The following ADGRV1 variants were observed in gnomAD, a reference collection of about 807,000 sequenced individuals.
The protein encoded by ADGRV1 is adhesion G protein-coupled receptor V1, also known as G-protein coupled receptor 98.
Under a neutral mutation model 596.2 loss-of-function variants are expected in ADGRV1, and 359 were observed. The ratio of observed to expected loss-of-function variants is 0.60; its 90% CI spans 0.55 to 0.66. The LOEUF (loss-of-function observed/expected upper bound fraction) is 0.66, where lower values mean the gene tolerates loss of function less well. ADGRV1 is among the 30% of genes least tolerant of loss of function. The pLI, the probability that ADGRV1 is intolerant of heterozygous loss-of-function variation, is 0.00. For synonymous variants in ADGRV1, 2,681 were observed against 2,679.2 expected, an observed-to-expected ratio of 1.00 and a Z score of -0.02; for missense variants, 7,274 against 7,575.6, an observed-to-expected ratio of 0.96 and a Z score of 1.48.
In ADGRV1 at chr5:91,067,167, G is replaced by A. The variant is rs564665830; in HGVS notation, c.18153-5280G>A. Among the ~76,000 whole-genome samples, 9 of 137,420 alleles carry A rather than the reference G, an allele frequency of 6.5e-5. No individual in the cohort carries two copies. In the South Asian group the frequency reaches 1.4e-3, roughly 21 times the overall value. The allele number at this position is 137,420 out of a possible 152,430, so 90.2% of individuals were successfully genotyped here. ...ATTTTTTTTTTTTTTTTTTTGAGAC[G>A]GAGTCTCGCTCTTGTTGCCCAGGCT... is the stretch of plus-strand genomic sequence containing the variant. On this transcript the variant is annotated intron_variant, in intron 85 of 89. Coordinates refer to ENST00000405460, the MANE Select transcript of ADGRV1 (RefSeq NM_032119.4).
At chr5:90,880,085 A>G (rs1201049312) in intron 83 of ADGRV1, among the ~76,000 whole-genome samples, 1 of 152,142 alleles carries the variant, frequency 6.6e-6, no homozygotes, top group Admixed American at 6.5e-5. Flanking sequence ...CTCCTGTTAT[A>G]TTCCAGAGAC....
At position 90,651,591 on chromosome 5, in the gene ADGRV1, A is replaced by G. The variant is rs747389739; in HGVS notation, c.3290-13A>G. 2 of 1,455,988 alleles carry G rather than the reference A, an allele frequency of 1.4e-6. No homozygotes were observed. Among genetic ancestry groups the G allele is most frequent in the Non-Finnish European group, 1.9e-6 (2 of 1,075,430 alleles). The allele number at this position is 1,455,988 out of a possible 1,614,324, so 90.2% of individuals were successfully genotyped here. A position where few individuals can be genotyped will look rare whatever the true frequency, so the allele number is the denominator to read the frequency against. Reference sequence around the variant, plus strand: ...ACTTCTTTGTTATTTTGTCTTTTCCACTTTTAATTTAGGTGATACAGTAGT... The same window carrying G: ...ACTTCTTTGTTATTTTGTCTTTTCCGCTTTTAATTTAGGTGATACAGTAGT... On this transcript the variant is annotated splice_polypyrimidine_tract_variant and intron_variant, in intron 17 of 89. Transcript: ENST00000405460.
intron 59 of ADGRV1, among the ~76,000 whole-genome samples, chr5:90,773,585 G>A (rs1419540919): frequency 5.9e-5 from 9 of 152,158 alleles, no homozygotes; most frequent in Non-Finnish European, 1.3e-4. Flanking sequence ...AAATCTTAAA[G>A]GTGAAGGTAA....
chr5:90,931,162 G>A (rs74501188), intron 83 of ADGRV1: 25,720 of 152,166 alleles, frequency 0.17, 2,612 homozygotes, highest in Non-Finnish European at 0.23. Context: ...AGGCAGATCC[G>A]ACAGAATGTC....
At chr5:90,791,399 G>T in intron 70 of ADGRV1, 53 bp downstream of exon 70, 1 of 1,296,300 alleles carries the variant, frequency 7.7e-7, no homozygotes, top group Non-Finnish European at 1.1e-6. Context: ...CCTTTCAGGA[G>T]TGCCCATGCT....
intron 83 of ADGRV1, among the ~76,000 whole-genome samples, chr5:90,955,623 C>T (rs1378344804): frequency 2.0e-5 from 3 of 152,142 alleles, no homozygotes; most frequent in South Asian, 4.1e-4. Context: ...GAAATACTTT[C>T]CCCCTCTTTT....
Position 90,853,448 on chromosome 5 carries a change from G to C in ADGRV1, c.17369G>C (p.Ser5790Thr), listed in dbSNP as rs1561851009. ...VQDAEIMAGK[S>T]TCKLVQFTEY... Reference sequence around the variant, plus strand: ...GATGCAGAAATAATGGCTGGGAAAAGTACATGTAAATTAGTCCAGTTTACA... The same window carrying C: ...GATGCAGAAATAATGGCTGGGAAAACTACATGTAAATTAGTCCAGTTTACA... The change falls in exon 80 of 90, where the codon AGT (serine) becomes ACT (threonine). Residue 5790 changes from serine (S) to threonine (T), a missense_variant. By Grantham distance (58) the Ser-to-Thr change is moderately conservative (BLOSUM62 1). Coordinates refer to ENST00000405460, the MANE Select transcript of ADGRV1 (RefSeq NM_032119.4). 6.2e-7 allele frequency: 1 copy of C among 1,613,340 alleles called. No individual in the cohort carries two copies. The highest frequency in any genetic ancestry group is 2.2e-5 in the East Asian group (1 of 44,846).
intron 53 of ADGRV1, among the ~76,000 whole-genome samples, chr5:90,751,607 G>T (rs1580999813): frequency 6.6e-6 from 1 of 152,170 alleles, no homozygotes; most frequent in East Asian, 1.9e-4. Flanking sequence ...AGAGCCTTTT[G>T]TTCCTAGCTG....
At chr5:91,035,542 G>A (rs1019705218) in intron 85 of ADGRV1, among the ~76,000 whole-genome samples, 3 of 151,944 alleles carry the variant, frequency 2.0e-5, no homozygotes, top group Admixed American at 2.0e-4. Context: ...TGTAATTCTT[G>A]TGAATGGCAA....
chr5:90,752,642 T>C (rs1318487838), intron 53 of ADGRV1, among the ~76,000 whole-genome samples: 3 of 152,226 alleles, frequency 2.0e-5, no homozygotes, highest in Non-Finnish European at 4.4e-5. Flanking sequence ...CATTTTTCTT[T>C]TATGGCTGCA....
rs41304894 is a variant in ADGRV1, at chr5:90,840,513, G to C, written c.16612-65G>C. On this transcript the variant is annotated intron_variant, in intron 77 of 89. Transcript: ENST00000405460. Reference sequence around the variant, plus strand: ...GAAATTGAATTTGTTTAAGAAACAAGAATTTGTTTAGGACAAGATCAGAGG... The same window carrying C: ...GAAATTGAATTTGTTTAAGAAACAACAATTTGTTTAGGACAAGATCAGAGG... 0.017 allele frequency: 22,685 copies of C among 1,356,972 alleles called. 241 individuals are homozygous for C. Among genetic ancestry groups the C allele is most frequent in the Non-Finnish European group, 0.02 (20,139 of 1,003,122 alleles). 84.1% of individuals were successfully genotyped at this position (1,356,972 alleles called of 1,614,324 possible). A position where few individuals can be genotyped will look rare whatever the true frequency, so the allele number is the denominator to read the frequency against.
rs1180671840 is a variant in ADGRV1, at chr5:90,739,035, C to A, written c.10550-6011C>A. Among the ~76,000 whole-genome samples, 3 of 151,760 alleles carry A rather than the reference C, an allele frequency of 2.0e-5. No homozygotes were observed. In the East Asian group the frequency reaches 5.8e-4, roughly 29 times the overall value. Reference sequence around the variant, plus strand: ...GACTGGATAACTTTAAGTATCCTATCTTTTAATTCACTAATTTTCTTTCTT... The same window carrying A: ...GACTGGATAACTTTAAGTATCCTATATTTTAATTCACTAATTTTCTTTCTT... On this transcript the variant is annotated intron_variant, in intron 50 of 89. Transcript: ENST00000405460.
At chr5:90,724,705 C>A in intron 45 of ADGRV1, 127 bp from the exon 46 acceptor site, 1 of 780,020 alleles carries the variant, frequency 1.3e-6, no homozygotes, top group Non-Finnish European at 2.2e-6. Context: ...CACACTCATA[C>A]ACACGTCATG....
chr5:90,986,621 TTCTG>T (rs1005562773), intron 85 of ADGRV1, among the ~76,000 whole-genome samples: 6 of 152,192 alleles, frequency 3.9e-5, no homozygotes, highest in Admixed American at 2.0e-4. Flanking sequence ...ATTTTTGTAA[TTCTG>T]TCTTTTTATT....
At chr5:90,690,450 C>G (rs1006245911) in intron 30 of ADGRV1, among the ~76,000 whole-genome samples, 4 of 152,142 alleles carry the variant, frequency 2.6e-5, no homozygotes. Context: ...ATCAAGTTCC[C>G]TTTCCTGCAT....
intron 87 of ADGRV1, among the ~76,000 whole-genome samples, chr5:91,138,318 A>C (rs1794814271): frequency 6.6e-6 from 1 of 151,596 alleles, no homozygotes; most frequent in Non-Finnish European, 1.5e-5. Flanking sequence ...TGAGTGCTAA[A>C]ATTTGATATC....
Position 91,083,674 on chromosome 5 carries a change from T to C in ADGRV1, c.18310+11070T>C, listed in dbSNP as rs74518397. Among the ~76,000 whole-genome samples the C allele has an allele frequency of 6.8e-3, 1,042 of 152,354 alleles. 101 individuals are homozygous for C. The East Asian group carries it at 0.18, about 26-fold the overall frequency. ...TAGCCTGCCTCATTAAGTATCACTT[T>C]CCTTGCAGTCAGTTGCTAAAGATCA... On this transcript the variant is annotated intron_variant, in intron 86 of 89. Transcript: ENST00000405460.
chr5:90,851,343 G>A (rs558846985), intron 79 of ADGRV1, among the ~76,000 whole-genome samples: 1 of 152,116 alleles, frequency 6.6e-6, no homozygotes, highest in South Asian at 2.1e-4. Context: ...AAACAATTAG[G>A]TGGTAGAATT....
At chr5:90,995,044 A>G (rs1410143124) in intron 85 of ADGRV1, among the ~76,000 whole-genome samples, 1 of 152,222 alleles carries the variant, frequency 6.6e-6, no homozygotes, top group African/African-American at 2.4e-5. Context: ...CAAAGCCTCA[A>G]GCATGCACAT....
Sources: allele counts gnomAD v4.1 joint callset (sites outside exome capture counted in the v4.1 genomes callset), GRCh38; gene constraint gnomAD v4.1.1; transcripts MANE v1.5; gene names NCBI Gene and HGNC (gene_info 2026-07-23, HGNC 2026-07-21).